CEP128: variants seen among roughly 807,000 people sequenced by gnomAD.
The protein encoded by CEP128 is centrosomal protein 128.
CEP128 carries 132 observed loss-of-function variants against 156.7 expected under a neutral mutation model. That is an observed-to-expected ratio of 0.84 (90% CI 0.73 to 0.97). The LOEUF is 0.97. Ranked by LOEUF, CEP128 falls within the 50% of genes least tolerant of loss-of-function variation. The pLI, the probability that CEP128 is intolerant of heterozygous loss-of-function variation, is 0.00. For missense variants in CEP128, 1,252 were observed against 1,281.9 expected (o/e 0.98, Z 0.36); for synonymous variants, 469 against 448.9 (o/e 1.04, Z -0.57).
chr14:80,499,460 A>G (rs963229816), intron 24 of CEP128, among the ~76,000 whole-genome samples: 2 of 152,258 alleles, frequency 1.3e-5, no homozygotes, highest in Admixed American at 6.5e-5. Flanking sequence ...ATATCAAATT[A>G]TCTGTAAGAT....
chr14:80,640,711 C>T (rs377231372), intron 19 of CEP128, among the ~76,000 whole-genome samples: 33 of 152,232 alleles, frequency 2.2e-4, no homozygotes, highest in Admixed American at 1.4e-3. Flanking sequence ...AATATGAAAA[C>T]GGCTCTGACA....
At chr14:80,807,863 C>T (rs562246130) in intron 13 of CEP128, among the ~76,000 whole-genome samples, 4 of 152,284 alleles carry the variant, frequency 2.6e-5, no homozygotes, top group African/African-American at 7.2e-5. Context: ...TGGGTGCCCA[C>T]GGACATCTCC....
intron 19 of CEP128, among the ~76,000 whole-genome samples, chr14:80,680,044 T>A (rs1156347483): frequency 6.6e-6 from 1 of 152,226 alleles, no homozygotes; most frequent in Non-Finnish European, 1.5e-5. Flanking sequence ...GCATGCATTT[T>A]AGTCTTGAGC....
At chr14:80,513,147 T>C (rs1191991178) in intron 23 of CEP128, among the ~76,000 whole-genome samples, 1 of 152,170 alleles carries the variant, frequency 6.6e-6, no homozygotes, top group African/African-American at 2.4e-5. Context: ...GCATTTGTTA[T>C]AGGACAGGTC....
chr14:80,760,270 T>TA (rs926935934), intron 17 of CEP128, among the ~76,000 whole-genome samples: 8 of 151,198 alleles, frequency 5.3e-5, no homozygotes, highest in Non-Finnish European at 1.0e-4. Flanking sequence ...CACTTGAACT[T>TA]AAAAAAAAAT....
At chr14:80,774,570 T>C (rs184171432) in intron 16 of CEP128, among the ~76,000 whole-genome samples, 94 of 152,206 alleles carry the variant, frequency 6.2e-4, no homozygotes, top group African/African-American at 2.2e-3. Flanking sequence ...ACCTTATACA[T>C]GTGTGTATGT....
chr14:80,525,289 A>C (rs1888925827), intron 23 of CEP128, among the ~76,000 whole-genome samples: 1 of 152,206 alleles, frequency 6.6e-6, no homozygotes, highest in Non-Finnish European at 1.5e-5. Context: ...TCAATGACAT[A>C]AATTACTAAA....
chr14:80,604,369 G>A (rs145529072), intron 19 of CEP128, among the ~76,000 whole-genome samples: 362 of 152,254 alleles, frequency 2.4e-3, no homozygotes, highest in Non-Finnish European at 4.0e-3. Context: ...TAATATCCTC[G>A]ATGGATATGG....
chr14:80,881,123 A>G (rs1888533619), intron 8 of CEP128, among the ~76,000 whole-genome samples: 1 of 151,812 alleles, frequency 6.6e-6, no homozygotes, highest in South Asian at 2.1e-4. Flanking sequence ...ACAAAAGATC[A>G]ATGAAATGAA....
At chr14:80,662,021 C>T (rs559139670) in intron 19 of CEP128, among the ~76,000 whole-genome samples, 1 of 152,248 alleles carries the variant, frequency 6.6e-6, no homozygotes, top group South Asian at 2.1e-4. Flanking sequence ...CTTGGAGAAA[C>T]ATTTTTTCCA....
Position 80,597,884 on chromosome 14 carries a change from A to T in CEP128, c.2807-17461T>A, listed in dbSNP as rs186327308. ...TCAATGAATAACAAGTATTTGACAA[A>T]ATTCATTGACCATTTATGATAAAAA... On this transcript the variant is annotated intron_variant, in intron 19 of 24. Coordinates refer to ENST00000555265, the MANE Select transcript of CEP128 (RefSeq NM_152446.5). Among the ~76,000 whole-genome samples the T allele has an allele frequency of 1.4e-3, 207 of 148,248 alleles. 1 individual carries two copies. Among genetic ancestry groups the T allele is most frequent in the African/African-American group, 5.0e-3 (202 of 40,034 alleles).
chr14:80,914,674 A>G (rs1220684751), intron 3 of CEP128, among the ~76,000 whole-genome samples: 1 of 152,214 alleles, frequency 6.6e-6, no homozygotes, highest in African/African-American at 2.4e-5. Flanking sequence ...GTCAGCAACA[A>G]AACCATAAAT....
intron 19 of CEP128, among the ~76,000 whole-genome samples, chr14:80,651,223 T>TC: frequency 6.6e-6 from 1 of 152,208 alleles, no homozygotes; most frequent in African/African-American, 2.4e-5. Flanking sequence ...TACAGTACTC[T>TC]CTGATGGTAG....
chr14:80,671,528 C>T (rs1595186829), intron 19 of CEP128, among the ~76,000 whole-genome samples: 1 of 152,162 alleles, frequency 6.6e-6, no homozygotes, highest in East Asian at 1.9e-4. Context: ...CAAACCATCA[C>T]ATAACATAAA....
chr14:80,876,275 T>C (rs902559670), intron 8 of CEP128, among the ~76,000 whole-genome samples: 1 of 150,842 alleles, frequency 6.6e-6, no homozygotes, highest in Non-Finnish European at 1.5e-5. Context: ...CCAAAAGCAA[T>C]TAGAGAAAAA....
intron 21 of CEP128, among the ~76,000 whole-genome samples, chr14:80,556,953 G>A (rs940695231): frequency 2.0e-5 from 3 of 152,118 alleles, no homozygotes; most frequent in Non-Finnish European, 2.9e-5. Context: ...TGAAATCAAA[G>A]GACTTCATAA....
intron 20 of CEP128, among the ~76,000 whole-genome samples, chr14:80,566,854 G>A (rs80086835): frequency 5.9e-4 from 82 of 138,804 alleles, no homozygotes; most frequent in Middle Eastern, 3.9e-3. Flanking sequence ...ACATATTGAA[G>A]AAAAAAAAAA....
chr14:80,635,681 C>T (rs1894151849), intron 19 of CEP128, among the ~76,000 whole-genome samples: 1 of 152,164 alleles, frequency 6.6e-6, no homozygotes, highest in Admixed American at 6.5e-5. Context: ...GCAGATTTAT[C>T]AGCGAACAAA....
intron 18 of CEP128, among the ~76,000 whole-genome samples, chr14:80,752,801 T>C (rs1441767548): frequency 2.6e-5 from 4 of 152,194 alleles, no homozygotes; most frequent in African/African-American, 9.7e-5. Context: ...TAAAAACATC[T>C]TGGGCCTCAG....
Sources: gnomAD v4.1 joint callset for allele counts (sites outside exome capture counted in the v4.1 genomes callset) on GRCh38, gnomAD v4.1.1 for gene constraint, MANE v1.5 for transcripts, NCBI Gene and HGNC (gene_info 2026-07-23, HGNC 2026-07-21) for gene names.